The following SCAMP2 variants were observed in gnomAD, a reference collection of about 807,000 sequenced individuals.
The protein encoded by SCAMP2 is secretory carrier-associated membrane protein 2.
SCAMP2 carries 25 observed loss-of-function variants against 44.1 expected under a neutral mutation model. That is an observed-to-expected ratio of 0.57 (90% CI 0.41 to 0.79). The LOEUF is 0.79. Among genes scored for constraint, SCAMP2 ranks in the 30% least tolerant of loss-of-function variants. SCAMP2 has a pLI of 0.00. For synonymous variants in SCAMP2, 156 were observed against 166.0 expected (o/e 0.94, Z 0.46); for missense variants, 355 against 411.0 (o/e 0.86, Z 1.18).
intron 6 of SCAMP2, 137 bp downstream of exon 6, chr15:74,850,377 C>G: frequency 1.2e-6 from 1 of 868,812 alleles, no homozygotes; most frequent in Non-Finnish European, 1.8e-6. Context: ...AACAGAGGAA[C>G]AGAATGTAGG....
intron 1 of SCAMP2, among the ~76,000 whole-genome samples, chr15:74,862,685 A>T (rs1325041406): frequency 1.3e-5 from 2 of 151,416 alleles, no homozygotes; most frequent in Admixed American, 6.6e-5. Flanking sequence ...TTTTGATTTT[A>T]AAAACACATA....
At chr15:74,859,877 C>T (rs1188608654) in intron 1 of SCAMP2, among the ~76,000 whole-genome samples, 1 of 152,112 alleles carries the variant, frequency 6.6e-6, no homozygotes, top group Non-Finnish European at 1.5e-5. Context: ...TCCTTGCCTT[C>T]CCTTCCTGTA....
At chr15:74,869,277 T>C (rs1415136387) in intron 1 of SCAMP2, among the ~76,000 whole-genome samples, 1 of 151,646 alleles carries the variant, frequency 6.6e-6, no homozygotes, top group Non-Finnish European at 1.5e-5. Context: ...TAAAGAACTG[T>C]CTTAAAAAGC....
chr15:74,848,698 G>C lies in SCAMP2; in HGVS notation c.636C>G (p.Ser212=). Residue 212 remains serine (S), a synonymous_variant, in exon 7 of 9, where the codon TCC becomes TCG. Coordinates refer to ENST00000268099, the MANE Select transcript of SCAMP2 (RefSeq NM_005697.5). ...ACACAAAGAAGCTGAAAGAGTTGTC[G>C]GACCTGTGGAGAGAGAGGGAAATAA... The part of the protein sequence containing the change: ...WYRPIYKAFR[S]DNSFSFFVFF... 2 of 1,610,438 alleles carry C rather than the reference G, an allele frequency of 1.2e-6. No individual in the cohort carries two copies. The highest frequency in any genetic ancestry group is 1.7e-6 in the Non-Finnish European group (2 of 1,176,970).
Position 74,851,363 on chromosome 15 carries a change from A to C in SCAMP2, c.462T>G (p.Tyr154Ter), listed in dbSNP as rs1484514888. 6.2e-7 allele frequency: 1 copy of C among 1,613,896 alleles called. No homozygotes were observed. The highest frequency in any genetic ancestry group is 8.5e-7 in the Non-Finnish European group (1 of 1,179,892). ...DYQRICKMLYYLWMLHSVTLF... is the reference protein window; with the variant it reads ...DYQRICKMLY The stretch of plus-strand genomic sequence containing the variant: ...AGGAGTGGGACTCACACATCCACAG[A>C]TAGTAGAGCATCTTGCATATCCGCT... Residue 154 changes from tyrosine (Y) to a stop codon, truncating the protein, a stop_gained, in exon 5 of 9, where the codon TAT becomes TAG. Coordinates refer to ENST00000268099, the MANE Select transcript of SCAMP2 (RefSeq NM_005697.5). LOFTEE classifies it high-confidence loss of function.
chr15:74,872,978 A>G, intron 1 of SCAMP2: 1 of 477,874 alleles, frequency 2.1e-6, no homozygotes, highest in Non-Finnish European at 3.7e-6. Flanking sequence ...AGAAGACCCC[A>G]CTGTCTCCAA....
At chr15:74,865,950 CGAAGGAAGGAAGGAAGGAAGGAAG>C (rs1173545052) in intron 1 of SCAMP2, among the ~76,000 whole-genome samples, 755 of 36,520 alleles carry the variant, frequency 0.021, 20 homozygotes, top group East Asian at 0.032. Flanking sequence ...GACTCTGTCT[CGAAGGAAGGAAGGAAGGAAGGAAG>C]GAAGGAAGGA....
chr15:74,861,295 T>A (rs1405460409), intron 1 of SCAMP2, among the ~76,000 whole-genome samples: 1 of 152,276 alleles, frequency 6.6e-6, no homozygotes, highest in East Asian at 1.9e-4. Context: ...GAGATGAGGC[T>A]GAGTGTCACA....
chr15:74,846,682 G>C (rs543521408), intron 7 of SCAMP2, among the ~76,000 whole-genome samples: 3 of 152,130 alleles, frequency 2.0e-5, no homozygotes, highest in Non-Finnish European at 4.4e-5. Context: ...GGAGAATGGC[G>C]TGAACCTGGG....
intron 1 of SCAMP2, among the ~76,000 whole-genome samples, chr15:74,856,538 G>C (rs552433072): frequency 6.7e-6 from 1 of 149,928 alleles, no homozygotes; most frequent in South Asian, 2.1e-4. Flanking sequence ...GCCTCCCAAA[G>C]TACTGGGATT....
intron 1 of SCAMP2, among the ~76,000 whole-genome samples, chr15:74,865,988 AAGGAAGGAAGGAAGGAAGG>A (rs2064540258): frequency 1.2e-5 from 1 of 82,782 alleles, no homozygotes; most frequent in Non-Finnish European, 2.6e-5. Context: ...GGAAGGAAGG[AAGGAAGGAAGGAAGGAAGG>A]AAGGAAGGAA....
chr15:74,848,664 C>A lies in SCAMP2; in HGVS notation c.670G>T (p.Val224Leu). The change falls in exon 7 of 9, where the codon GTA (valine) becomes TTA (leucine). Residue 224 changes from valine to leucine, a missense_variant. Transcript: ENST00000268099. ...TAGATCCCTATTTGACAAAAAAATA[C>A]AAAGAAGAACACAAAGAAGCTGAAA... ...NSFSFFVFFFVFFCQIGIYII... is the reference protein window; with the variant it reads ...NSFSFFVFFFLFFCQIGIYII... 6.2e-7 allele frequency: 1 copy of A among 1,613,716 alleles called. No individual in the cohort carries two copies. Among genetic ancestry groups the A allele is most frequent in the South Asian group, 1.1e-5 (1 of 91,074 alleles).
At chr15:74,867,998 T>C (rs1046434033) in intron 1 of SCAMP2, among the ~76,000 whole-genome samples, 2 of 152,198 alleles carry the variant, frequency 1.3e-5, no homozygotes, top group African/African-American at 2.4e-5. Flanking sequence ...TGACTCCCTT[T>C]AGCTTTCCAC....
chr15:74,857,806 C>T (rs376732258), intron 1 of SCAMP2, among the ~76,000 whole-genome samples: 17 of 152,306 alleles, frequency 1.1e-4, no homozygotes, highest in African/African-American at 3.1e-4. Flanking sequence ...GTTAGAAGCT[C>T]CCTGCAGCCA....
chr15:74,859,986 C>T (rs1220116000), intron 1 of SCAMP2, among the ~76,000 whole-genome samples: 3 of 152,140 alleles, frequency 2.0e-5, no homozygotes, highest in Non-Finnish European at 2.9e-5. Context: ...CAGGGCCAGC[C>T]GGGCACGGTG....
In SCAMP2 at chr15:74,850,666, T is replaced by C. The variant is rs922397171; in HGVS notation, c.480A>G (p.Ser160=). The change falls in exon 6 of 9, where the codon TCA becomes TCG. Residue 160 remains serine (S), a synonymous_variant. Transcript: ENST00000268099. The part of the protein sequence containing the change: ...KMLYYLWMLH[S]VTLFLNLLAC... ...CAAGCAGGTTCAGAAACAGAGTCAC[T>C]GAATGCACTGGGGAAGGGGACAGGA... 9.3e-6 allele frequency: 15 copies of C among 1,613,754 alleles called. No homozygotes were observed. The African/African-American group carries it at 1.9e-4, about 20-fold the overall frequency.
rs1263098955 is a variant in SCAMP2 at position 74,844,821 on chromosome 15, T to C, written c.*262A>G. 1.9e-5 allele frequency: 8 copies of C among 420,800 alleles called. No homozygotes were observed. Among genetic ancestry groups the C allele is most frequent in the Non-Finnish European group, 3.5e-5 (8 of 229,830 alleles). The allele number at this position is 420,800 out of a possible 1,614,324, so 26.1% of individuals were successfully genotyped here. A position where few individuals can be genotyped will look rare whatever the true frequency, so the allele number is the denominator to read the frequency against. ...AGGACGAAGAGAACTTCAGTCCCAC[T>C]GCTTCCAGAGACAAAAGAATCCTAC... On this transcript the variant is annotated 3_prime_UTR_variant, in exon 9 of 9. Transcript: ENST00000268099.
chr15:74,870,044 T>C (rs966142351), intron 1 of SCAMP2, among the ~76,000 whole-genome samples: 2 of 152,120 alleles, frequency 1.3e-5, no homozygotes, highest in Non-Finnish European at 2.9e-5. Flanking sequence ...CCCACACCAC[T>C]GTGTGCCAAG....
intron 6 of SCAMP2, 119 bp downstream of exon 6, chr15:74,850,395 G>C: frequency 1.1e-5 from 11 of 989,044 alleles, no homozygotes; most frequent in South Asian, 1.5e-5. Context: ...AGGGAAAGTG[G>C]ATTTCCCTAC....
Sources: gnomAD v4.1 joint callset for allele counts (sites outside exome capture counted in the v4.1 genomes callset) on GRCh38, gnomAD v4.1.1 for gene constraint, MANE v1.5 for transcripts, NCBI Gene and HGNC (gene_info 2026-07-23, HGNC 2026-07-21) for gene names.